The following GRID2 variants were observed in gnomAD, a reference collection of about 807,000 sequenced individuals.
GRID2 encodes the protein glutamate ionotropic receptor delta type subunit 2.
Under a neutral mutation model 114.8 loss-of-function variants are expected in GRID2, and 33 were observed. That is an observed-to-expected ratio of 0.29 (90% CI 0.22 to 0.38). GRID2 has a LOEUF of 0.38. Among genes scored for constraint, GRID2 ranks in the 10% least tolerant of loss-of-function variants. The pLI is 1.00. For missense variants in GRID2, 1,184 were observed against 1,257.7 expected (o/e 0.94, Z 0.89); for synonymous variants, 505 against 449.9 (o/e 1.12, Z -1.55).
intron 2 of GRID2, among the ~76,000 whole-genome samples, chr4:93,064,364 A>T (rs912775148): frequency 1.1e-4 from 16 of 151,836 alleles, no homozygotes; most frequent in African/African-American, 3.9e-4. Flanking sequence ...TGGAAATAAG[A>T]TCTAATTTTA....
intron 4 of GRID2, among the ~76,000 whole-genome samples, chr4:93,126,908 G>A (rs1415644324): frequency 6.6e-6 from 1 of 152,094 alleles, no homozygotes; most frequent in Non-Finnish European, 1.5e-5. Flanking sequence ...TTCTGAAACA[G>A]TAAATTTTTG....
chr4:92,785,300 C>T (rs768188458), intron 2 of GRID2, among the ~76,000 whole-genome samples: 21 of 151,226 alleles, frequency 1.4e-4, no homozygotes, highest in Non-Finnish European at 2.8e-4. Context: ...TCTGCAATTC[C>T]TTGAATCTAT....
chr4:92,930,913 T>C (rs1415102731), intron 2 of GRID2, among the ~76,000 whole-genome samples: 1 of 150,862 alleles, frequency 6.6e-6, no homozygotes, highest in Non-Finnish European at 1.5e-5. Flanking sequence ...CACGGAAAGA[T>C]TGGCAGGTTA....
intron 2 of GRID2, among the ~76,000 whole-genome samples, chr4:92,688,145 G>A (rs1228368711): frequency 6.8e-6 from 1 of 146,578 alleles, no homozygotes; most frequent in Non-Finnish European, 1.5e-5. Context: ...CACCTCCTGG[G>A]TTCAAGCGCT....
In GRID2 at chr4:93,023,808, C is replaced by T. The variant is rs533610958; in HGVS notation, c.245-61187C>T. 1.4e-3 allele frequency among the ~76,000 whole-genome samples: 215 copies of T among 151,824 alleles called. 1 individual carries two copies. The highest frequency in any genetic ancestry group is 5.1e-3 in the African/African-American group (212 of 41,516). ...AATAAAGGGTAAAATATTTTTAAGACTAAATAATGTTCACATTATTCTAAA... is the reference window on the plus strand; with the variant it reads ...AATAAAGGGTAAAATATTTTTAAGATTAAATAATGTTCACATTATTCTAAA... On this transcript the variant is annotated intron_variant, in intron 2 of 15. Coordinates refer to ENST00000282020, the MANE Select transcript of GRID2 (RefSeq NM_001510.4).
chr4:93,530,791 A>G (rs978324403), intron 13 of GRID2, among the ~76,000 whole-genome samples: 2 of 152,054 alleles, frequency 1.3e-5, no homozygotes, highest in Admixed American at 6.6e-5. Flanking sequence ...TTTCTTTCCA[A>G]CTTGAGTGAC....
At chr4:93,703,902 A>G (rs1167621110) in intron 14 of GRID2, among the ~76,000 whole-genome samples, 1 of 151,880 alleles carries the variant, frequency 6.6e-6, no homozygotes, top group Non-Finnish European at 1.5e-5. Context: ...TCATTGTTGG[A>G]CATTTGGCTT....
chr4:92,466,022 G>A (rs1721734039), intron 1 of GRID2, among the ~76,000 whole-genome samples: 1 of 151,432 alleles, frequency 6.6e-6, no homozygotes, highest in African/African-American at 2.4e-5. Flanking sequence ...TATAATAATT[G>A]CACATATTTG....
At chr4:92,585,903 A>G (rs1190871216) in intron 1 of GRID2, among the ~76,000 whole-genome samples, 2 of 151,960 alleles carry the variant, frequency 1.3e-5, no homozygotes, top group African/African-American at 2.4e-5. Flanking sequence ...CAACAAATTA[A>G]CATGCAAGTA....
intron 8 of GRID2, among the ~76,000 whole-genome samples, chr4:93,246,578 C>T (rs1748232834): frequency 1.4e-5 from 2 of 144,930 alleles, no homozygotes; most frequent in Admixed American, 6.8e-5. Context: ...CAATGCAAGA[C>T]TCCTTCTCAA....
chr4:92,680,661 A>G (rs920109314), intron 2 of GRID2, among the ~76,000 whole-genome samples: 3 of 152,180 alleles, frequency 2.0e-5, no homozygotes, highest in African/African-American at 7.2e-5. Flanking sequence ...TTTTAGAACA[A>G]TAATCACAGG....
At chr4:92,696,982 A>G (rs1734450700) in intron 2 of GRID2, among the ~76,000 whole-genome samples, 1 of 152,172 alleles carries the variant, frequency 6.6e-6, no homozygotes, top group Non-Finnish European at 1.5e-5. Context: ...CATTTTCTCT[A>G]AAGCCTTGTA....
chr4:93,185,577 CTT>C (rs1312516341), intron 4 of GRID2, among the ~76,000 whole-genome samples: 3 of 151,988 alleles, frequency 2.0e-5, no homozygotes, highest in African/African-American at 7.2e-5. Context: ...TTGTATATCT[CTT>C]TATATATCTC....
intron 14 of GRID2, among the ~76,000 whole-genome samples, chr4:93,737,192 C>T (rs1305906883): frequency 6.6e-6 from 1 of 151,980 alleles, no homozygotes; most frequent in Non-Finnish European, 1.5e-5. Context: ...TTGACAATAT[C>T]ATGACTATAA....
chr4:93,413,453 C>A (rs1318118728), intron 9 of GRID2, among the ~76,000 whole-genome samples: 1 of 152,030 alleles, frequency 6.6e-6, no homozygotes, highest in Non-Finnish European at 1.5e-5. Flanking sequence ...TTGAGGCTTT[C>A]ACTTTTTTAT....
chr4:92,849,751 G>C (rs1743621054), intron 2 of GRID2, among the ~76,000 whole-genome samples: 1 of 151,624 alleles, frequency 6.6e-6, no homozygotes, highest in South Asian at 2.1e-4. Context: ...TATTATGTAA[G>C]ATTGGCTTCT....
intron 2 of GRID2, among the ~76,000 whole-genome samples, chr4:92,697,644 A>G (rs139103311): frequency 2.1e-3 from 321 of 152,252 alleles, no homozygotes; most frequent in African/African-American, 6.4e-3. Flanking sequence ...TTTTTGACAG[A>G]AAAGTCAATA....
chr4:93,050,550 GT>G (rs1726607751), intron 2 of GRID2, among the ~76,000 whole-genome samples: 1 of 143,184 alleles, frequency 7.0e-6, no homozygotes, highest in Non-Finnish European at 1.5e-5. Context: ...GTGTGTGTGT[GT>G]GTGGTGTATG....
chr4:92,666,810 A>G (rs1431509730), intron 2 of GRID2, among the ~76,000 whole-genome samples: 2 of 151,478 alleles, frequency 1.3e-5, no homozygotes, highest in East Asian at 1.9e-4. Context: ...TAAGATTAAA[A>G]AAAACCTCAC....
Sources: allele counts gnomAD v4.1 joint callset (sites outside exome capture counted in the v4.1 genomes callset), GRCh38; gene constraint gnomAD v4.1.1; transcripts MANE v1.5; gene names NCBI Gene and HGNC (gene_info 2026-07-23, HGNC 2026-07-21).